Variants in ITGB6 observed in about 807,000 individuals in gnomAD.
The protein encoded by ITGB6 is integrin beta-6.
ITGB6 carries 80 observed loss-of-function variants against 84.5 expected under a neutral mutation model. The observed-to-expected ratio is 0.95, with a 90% CI of 0.79 to 1.14. The LOEUF (loss-of-function observed/expected upper bound fraction) is 1.14, where lower values mean the gene tolerates loss of function less well. ITGB6 is among the 50% of genes most tolerant of loss of function. The pLI is 0.00. For missense variants in ITGB6, 1,006 were observed against 968.0 expected, an observed-to-expected ratio of 1.04 and a Z score of -0.52; for synonymous variants, 383 against 354.9, an observed-to-expected ratio of 1.08 and a Z score of -0.89.
Position 160,137,636 on chromosome 2 carries a change from C to T in ITGB6, c.1458G>A (p.Met486Ile). 6.2e-7 allele frequency: 1 copy of T among 1,614,182 alleles called. No homozygotes were observed. Residue 486 changes from methionine (M) to isoleucine (I), a missense_variant, in exon 10 of 15, where the codon ATG becomes ATA. Met to Ile is a conservative substitution (Grantham distance 10). Coordinates refer to ENST00000283249, the MANE Select transcript of ITGB6 (RefSeq NM_000888.5). Reference sequence around the variant, plus strand: ...CCTCGCCACACTCACAGCGAGGCCCCATGTGGCCAGGGTGGCAGGCACACA... The same window carrying T: ...CCTCGCCACACTCACAGCGAGGCCCTATGTGGCCAGGGTGGCAGGCACACA... ...CGVCACHPGH[M>I]GPRCECGEDM...
Position 160,195,593 on chromosome 2 carries a change from C to T in ITGB6, c.369G>A (p.Val123=), listed in dbSNP as rs868712371. 7.4e-6 allele frequency: 12 copies of T among 1,614,072 alleles called. No individual in the cohort carries two copies. The highest frequency in any genetic ancestry group is 4.4e-5 in the South Asian group (4 of 91,066). ...LRPGGAQTLQ[V]HVRQTEDYPV... is the part of the protein sequence containing the mutation. ...GGTAGTCCTCAGTCTGGCGGACATG[C>T]ACCTGCAGAGTCTGCGCACCACCTG... The change falls in exon 4 of 15, where the codon GTG becomes GTA. Residue 123 remains valine (V), a synonymous_variant. Coordinates refer to ENST00000283249, the MANE Select transcript of ITGB6 (RefSeq NM_000888.5).
intron 2 of ITGB6, 41 bp from the exon 3 acceptor site, chr2:160,196,461 C>G: frequency 6.6e-7 from 1 of 1,514,764 alleles, no homozygotes; most frequent in Non-Finnish European, 9.0e-7. Context: ...AAAAAGAAAA[C>G]AAATCTGAAT....
chr2:160,196,179 C>T (rs778713616), intron 3 of ITGB6, 37 bp downstream of exon 3: 6 of 1,517,940 alleles, frequency 4.0e-6, no homozygotes, highest in Non-Finnish European at 4.6e-6. Context: ...CCATATATGA[C>T]ATTAGATCTA....
At chr2:160,165,340 G>A (rs561520968) in intron 7 of ITGB6, among the ~76,000 whole-genome samples, 1 of 152,042 alleles carries the variant, frequency 6.6e-6, no homozygotes, top group Admixed American at 6.6e-5. Context: ...AAATCTTCCC[G>A]CCCAGTCTTT....
At chr2:160,192,225 A>C (rs1686169049) in intron 4 of ITGB6, among the ~76,000 whole-genome samples, 1 of 152,156 alleles carries the variant, frequency 6.6e-6, no homozygotes, top group Non-Finnish European at 1.5e-5. Flanking sequence ...ACTTTTTATA[A>C]AGCTCTGTAA....
At chr2:160,110,939 CG>C (rs1174897330) in intron 13 of ITGB6, among the ~76,000 whole-genome samples, 4 of 152,090 alleles carry the variant, frequency 2.6e-5, no homozygotes, top group African/African-American at 9.7e-5. Flanking sequence ...GTTAAGCCTC[CG>C]GGAGGTTATG....
At chr2:160,174,500 C>A (rs1258802353) in intron 4 of ITGB6, among the ~76,000 whole-genome samples, 3 of 152,124 alleles carry the variant, frequency 2.0e-5, no homozygotes, top group African/African-American at 7.2e-5. Context: ...CCTTTGTATT[C>A]TGATATCTCA....
intron 10 of ITGB6, among the ~76,000 whole-genome samples, chr2:160,134,203 CA>C (rs1345566289): frequency 6.6e-6 from 1 of 152,012 alleles, no homozygotes; most frequent in East Asian, 1.9e-4. Context: ...ATAGATGCAA[CA>C]AAAAATGATA....
At chr2:160,129,618 C>T (rs1683380641) in intron 10 of ITGB6, among the ~76,000 whole-genome samples, 1 of 152,064 alleles carries the variant, frequency 6.6e-6, no homozygotes, top group Non-Finnish European at 1.5e-5. Flanking sequence ...AATTCCTATA[C>T]TTTTACTGAA....
chr2:160,189,424 G>T (rs1686045215), intron 4 of ITGB6, among the ~76,000 whole-genome samples: 1 of 152,094 alleles, frequency 6.6e-6, no homozygotes, highest in Non-Finnish European at 1.5e-5. Context: ...GCAACCTACA[G>T]AATGGGAGAA....
At chr2:160,103,306 G>T (rs1696792946) in intron 14 of ITGB6, among the ~76,000 whole-genome samples, 1 of 152,172 alleles carries the variant, frequency 6.6e-6, no homozygotes, top group African/African-American at 2.4e-5. Context: ...CTCATTGTGA[G>T]TGGGAATCAC....
intron 13 of ITGB6, among the ~76,000 whole-genome samples, chr2:160,109,005 A>G (rs1255115693): frequency 6.6e-6 from 1 of 152,220 alleles, no homozygotes; most frequent in Non-Finnish European, 1.5e-5. Context: ...ATGAGGCAAA[A>G]TCCATGGGAT....
intron 4 of ITGB6, among the ~76,000 whole-genome samples, chr2:160,183,943 C>T (rs1051842293): frequency 2.6e-5 from 4 of 152,110 alleles, no homozygotes; most frequent in African/African-American, 7.2e-5. Flanking sequence ...AGAACAAAGA[C>T]ACAACGTAGT....
intron 10 of ITGB6, among the ~76,000 whole-genome samples, chr2:160,127,627 A>T (rs1683291398): frequency 6.6e-6 from 1 of 152,188 alleles, no homozygotes; most frequent in Non-Finnish European, 1.5e-5. Flanking sequence ...GGCCATGGTC[A>T]CTCATATTTG....
intron 7 of ITGB6, among the ~76,000 whole-genome samples, chr2:160,150,546 C>T (rs1684373526): frequency 6.6e-6 from 1 of 152,144 alleles, no homozygotes; most frequent in African/African-American, 2.4e-5. Context: ...GAAACTGCAT[C>T]AATTAACGGA....
rs10710243 is a variant in ITGB6 at position 160,111,136 on chromosome 2, GAA to G, written c.2101+942_2101+943del. On this transcript the variant is annotated intron_variant, in intron 13 of 14. Transcript: ENST00000283249. Reference sequence around the variant, plus strand: ...GCATTTAGCCAAGGCATGTTTCACTGAAAAAAAAAAAATCACCAACTAGATAC... The same window carrying G: ...GCATTTAGCCAAGGCATGTTTCACTGAAAAAAAAAATCACCAACTAGATAC... Among the ~76,000 whole-genome samples the G allele has an allele frequency of 2.0e-3, 294 of 149,030 alleles. 1 individual carries two copies. Among genetic ancestry groups the G allele is most frequent in the African/African-American group, 5.8e-3 (232 of 40,336 alleles).
At chr2:160,128,076 A>G (rs1683306280) in intron 10 of ITGB6, among the ~76,000 whole-genome samples, 1 of 152,230 alleles carries the variant, frequency 6.6e-6, no homozygotes, top group Non-Finnish European at 1.5e-5. Context: ...TATGTGCCAA[A>G]GATTGTATTA....
intron 14 of ITGB6, among the ~76,000 whole-genome samples, chr2:160,105,301 T>G (rs1171560118): frequency 6.6e-6 from 1 of 152,202 alleles, no homozygotes; most frequent in African/African-American, 2.4e-5. Flanking sequence ...ACAGCAAAAA[T>G]TCAGCATTTG....
intron 3 of ITGB6, 96 bp from the exon 4 acceptor site, chr2:160,195,711 T>C (rs1051387781): frequency 3.7e-6 from 5 of 1,349,060 alleles, no homozygotes; most frequent in Non-Finnish European, 5.1e-6. Flanking sequence ...TTCACCTCAA[T>C]AAGAACTTAC....
Sources: allele counts gnomAD v4.1 joint callset (sites outside exome capture counted in the v4.1 genomes callset), GRCh38; gene constraint gnomAD v4.1.1; transcripts MANE v1.5; gene names NCBI Gene and HGNC (gene_info 2026-07-23, HGNC 2026-07-21).